The following PHKB variants were observed in gnomAD, a reference collection of about 807,000 sequenced individuals.
PHKB encodes phosphorylase b kinase regulatory subunit beta.
Under a neutral mutation model 152.1 loss-of-function variants are expected in PHKB, and 122 were observed. The ratio of observed to expected loss-of-function variants is 0.80; its 90% CI spans 0.69 to 0.93. The LOEUF (loss-of-function observed/expected upper bound fraction) is 0.93. Among genes scored for constraint, PHKB ranks in the 40% least tolerant of loss-of-function variants. The probability of loss-of-function intolerance (pLI) is 0.00; values close to 1 mark genes in which losing one functional copy is unlikely to be tolerated. For missense variants in PHKB, 1,304 were observed against 1,328.4 expected, an observed-to-expected ratio of 0.98 and a Z score of 0.29; for synonymous variants, 436 against 464.9, an observed-to-expected ratio of 0.94 and a Z score of 0.80.
At position 47,481,281 on chromosome 16, in the gene PHKB, C is replaced by T. The variant is rs573492636; in HGVS notation, c.77-16118C>T. Reference sequence around the variant, plus strand: ...TTCTTGAAGACTTATTAGCATCACTCCTGTGTAGCACAGGGTCATATTTTA... The same window carrying T: ...TTCTTGAAGACTTATTAGCATCACTTCTGTGTAGCACAGGGTCATATTTTA... On this transcript the variant is annotated intron_variant, in intron 1 of 30. Transcript: ENST00000323584. Among the ~76,000 whole-genome samples the T allele has an allele frequency of 1.1e-3, 163 of 152,318 alleles. 4 individuals are homozygous for T. The South Asian group carries it at 0.032, about 30-fold the overall frequency.
intron 7 of PHKB, among the ~76,000 whole-genome samples, chr16:47,554,582 G>C (rs958764838): frequency 1.3e-5 from 2 of 151,864 alleles, no homozygotes; most frequent in African/African-American, 2.4e-5. Context: ...ATCTCCTGCA[G>C]CTAGCTCGGT....
intron 6 of PHKB, among the ~76,000 whole-genome samples, chr16:47,530,431 G>A (rs183029542): frequency 1.3e-5 from 2 of 152,148 alleles, no homozygotes; most frequent in East Asian, 3.9e-4. Flanking sequence ...GGATTACAGG[G>A]GAAAGCCACT....
intron 7 of PHKB, among the ~76,000 whole-genome samples, chr16:47,558,658 C>G (rs1046749765): frequency 1.3e-4 from 20 of 152,202 alleles, no homozygotes; most frequent in African/African-American, 4.3e-4. Context: ...AAGCAAGTCT[C>G]CTGCCTCAGC....
chr16:47,515,086 C>T (rs559706398), intron 5 of PHKB, among the ~76,000 whole-genome samples: 136 of 152,144 alleles, frequency 8.9e-4, no homozygotes, highest in Non-Finnish European at 1.6e-3. Flanking sequence ...TTTTCATTTC[C>T]ATGTATTTGA....
chr16:47,485,301 C>T (rs1301546327), intron 1 of PHKB, among the ~76,000 whole-genome samples: 1 of 152,102 alleles, frequency 6.6e-6, no homozygotes, highest in Non-Finnish European at 1.5e-5. Context: ...CTTTTGTTCT[C>T]AAAGAGATAT....
In PHKB at chr16:47,593,532, A is replaced by G; in HGVS notation, c.1101A>G (p.Ile367Met). 2 of 1,504,142 alleles carry G rather than the reference A, an allele frequency of 1.3e-6. No homozygotes were observed. Among genetic ancestry groups the G allele is most frequent in the Non-Finnish European group, 1.9e-6 (2 of 1,080,396 alleles). The allele number at this position is 1,504,142 out of a possible 1,614,324, so 93.2% of individuals were successfully genotyped here. A position where few individuals can be genotyped will look rare whatever the true frequency, so the allele number is the denominator to read the frequency against. The change falls in exon 11 of 31, where the codon ATA becomes ATG. Residue 367 changes from isoleucine (I) to methionine (M), a missense_variant. Coordinates refer to ENST00000323584, the MANE Select transcript of PHKB (RefSeq NM_000293.3). Reference sequence around the variant, plus strand: ...ATGGCATTGAATGTGAATTTCCCATATTTTTCCTTTATATGATGATTGATG... The same window carrying G: ...ATGGCATTGAATGTGAATTTCCCATGTTTTTCCTTTATATGATGATTGATG... ...LFDGIECEFPIFFLYMMIDGV... is the reference protein window; with the variant it reads ...LFDGIECEFPMFFLYMMIDGV...
chr16:47,681,480 A>T (rs1973854291), intron 26 of PHKB, among the ~76,000 whole-genome samples: 1 of 150,006 alleles, frequency 6.7e-6, no homozygotes, highest in South Asian at 2.1e-4. Context: ...TATATTTAGG[A>T]TAGTTAGCTC....
chr16:47,653,967 A>G (rs1156872584), intron 20 of PHKB, among the ~76,000 whole-genome samples: 2 of 152,226 alleles, frequency 1.3e-5, no homozygotes, highest in African/African-American at 4.8e-5. Context: ...AGACTTCCAG[A>G]TGACCCTCTT....
rs765849667 is a variant in PHKB at position 47,596,495 on chromosome 16, TG to T, written c.1331del (p.Gly444AspfsTer30). 2.5e-6 allele frequency: 4 copies of T among 1,613,994 alleles called. No individual in the cohort carries two copies. Among genetic ancestry groups the T allele is most frequent in the Non-Finnish European group, 3.4e-6 (4 of 1,179,878 alleles). ...TGGCCGTGATGGAAAACTGTTTCTT[TG>T]GGGACAAGCACTTTATATCATCGCA... Reference protein sequence around the residue: ...NCGRDGKLFLWGQALYIIAKL... With the variant: ...NCGRDGKLFLXGQALYIIAKL... On this transcript the variant is annotated frameshift_variant, in exon 13 of 31. Transcript: ENST00000323584. LOFTEE classifies it high-confidence loss of function.
At chr16:47,495,969 T>G (rs561535236) in intron 1 of PHKB, among the ~76,000 whole-genome samples, 44 of 152,320 alleles carry the variant, frequency 2.9e-4, no homozygotes, top group Admixed American at 7.8e-4. Flanking sequence ...GTTGCCTGAA[T>G]GTATAGGCCC....
At chr16:47,594,861 G>A (rs954206532) in intron 12 of PHKB, among the ~76,000 whole-genome samples, 2 of 152,070 alleles carry the variant, frequency 1.3e-5, no homozygotes, top group Non-Finnish European at 1.5e-5. Context: ...GATGTCTTTG[G>A]GGCTTTAAAG....
intron 13 of PHKB, among the ~76,000 whole-genome samples, chr16:47,602,956 A>G (rs1597117250): frequency 1.3e-5 from 2 of 152,270 alleles, no homozygotes; most frequent in South Asian, 4.1e-4. Flanking sequence ...TCTAAGGGCA[A>G]CCTAATTATT....
intron 7 of PHKB, among the ~76,000 whole-genome samples, chr16:47,567,433 CT>C (rs1389232720): frequency 6.6e-6 from 1 of 152,010 alleles, no homozygotes; most frequent in African/African-American, 2.4e-5. Flanking sequence ...ATCTGGGAGT[CT>C]TTTAGAGGAG....
chr16:47,691,865 A>T (rs1230414328), intron 27 of PHKB, among the ~76,000 whole-genome samples: 2 of 152,234 alleles, frequency 1.3e-5, no homozygotes, highest in Non-Finnish European at 2.9e-5. Flanking sequence ...GAGTATTCTC[A>T]TGTTTCTACT....
At chr16:47,611,721 G>A (rs1972431584) in intron 14 of PHKB, among the ~76,000 whole-genome samples, 1 of 152,012 alleles carries the variant, frequency 6.6e-6, no homozygotes, top group South Asian at 2.1e-4. Flanking sequence ...TAAGAGAAAG[G>A]GAGAGCCAAC....
intron 7 of PHKB, among the ~76,000 whole-genome samples, chr16:47,574,131 G>T (rs1208163478): frequency 6.6e-6 from 1 of 152,144 alleles, no homozygotes; most frequent in Non-Finnish European, 1.5e-5. Context: ...TGTTGACCAG[G>T]CTGGTCTTGA....
intron 7 of PHKB, among the ~76,000 whole-genome samples, chr16:47,577,259 A>T (rs962863153): frequency 6.6e-6 from 1 of 152,144 alleles, no homozygotes; most frequent in Non-Finnish European, 1.5e-5. Context: ...AGTTCAAATG[A>T]AGTATAGAAA....
At chr16:47,553,385 C>G (rs1359909175) in intron 7 of PHKB, among the ~76,000 whole-genome samples, 1 of 152,032 alleles carries the variant, frequency 6.6e-6, no homozygotes, top group East Asian at 1.9e-4. Context: ...TCAGTTTCGT[C>G]AGGTCATTTA....
chr16:47,542,244 C>G (rs1971073509), intron 6 of PHKB, among the ~76,000 whole-genome samples: 1 of 151,938 alleles, frequency 6.6e-6, no homozygotes, highest in South Asian at 2.1e-4. Context: ...TTCCTAGTAC[C>G]ATTAAATAGG....
Sources: allele counts gnomAD v4.1 joint callset (sites outside exome capture counted in the v4.1 genomes callset), GRCh38; gene constraint gnomAD v4.1.1; transcripts MANE v1.5; gene names NCBI Gene and HGNC (gene_info 2026-07-23, HGNC 2026-07-21).